The following APBA1 variants were observed in gnomAD, a reference collection of about 807,000 sequenced individuals.
APBA1 encodes the protein amyloid beta precursor protein binding family A member 1, also known as amyloid-beta A4 precursor protein-binding family A member 1.
APBA1 carries 55 observed loss-of-function variants against 86.6 expected under a neutral mutation model. The observed-to-expected ratio is 0.64, with a 90% CI of 0.51 to 0.80. APBA1 has a LOEUF of 0.80. Ranked by LOEUF, APBA1 falls within the 30% of genes least tolerant of loss-of-function variation. The pLI, the probability that APBA1 is intolerant of heterozygous loss-of-function variation, is 0.00. For missense variants in APBA1, 1,090 were observed against 1,183.0 expected (o/e 0.92, Z 1.15); for synonymous variants, 511 against 493.9 (o/e 1.03, Z -0.46).
intron 6 of APBA1, among the ~76,000 whole-genome samples, chr9:69,457,862 C>A (rs1835124680): frequency 6.6e-6 from 1 of 152,160 alleles, no homozygotes; most frequent in South Asian, 2.1e-4. Context: ...AAGTCCCTGC[C>A]ACATCGATGC....
chr9:69,623,357 T>C (rs922757321), intron 1 of APBA1, among the ~76,000 whole-genome samples: 1 of 144,568 alleles, frequency 6.9e-6, no homozygotes, highest in Non-Finnish European at 1.6e-5. Flanking sequence ...TTCTTTTTTT[T>C]CTTTTTTTTT....
At position 69,432,556 on chromosome 9, in the gene APBA1, G is replaced by T; in HGVS notation, c.2422C>A (p.Leu808Ile). ...CCTACCTCCCCAACAGCATTGGAGA[G>T]AATGTGGACGATCTTCTCGTGGGGG... ...ATPHEKIVHI[L>I]SNAVGEIHMK... is the part of the protein sequence containing the mutation. Residue 808 changes from leucine to isoleucine, a missense_variant, in exon 12 of 13, where the codon CTC becomes ATC. Leu to Ile is a conservative substitution (Grantham distance 5). Coordinates refer to ENST00000265381, the MANE Select transcript of APBA1 (RefSeq NM_001163.4). The T allele has an allele frequency of 6.3e-7, 1 of 1,589,092 alleles. No homozygotes were observed. The highest frequency in any genetic ancestry group is 2.3e-5 in the East Asian group (1 of 43,120).
chr9:69,583,110 G>T (rs187702520), intron 1 of APBA1, among the ~76,000 whole-genome samples: 18 of 152,184 alleles, frequency 1.2e-4, no homozygotes, highest in African/African-American at 3.6e-4. Context: ...TGGAACAGGC[G>T]CAGTACAGGC....
chr9:69,613,780 T>A (rs1217536364), intron 1 of APBA1, among the ~76,000 whole-genome samples: 1 of 152,186 alleles, frequency 6.6e-6, no homozygotes, highest in East Asian at 1.9e-4. Flanking sequence ...ATTCCCCTGC[T>A]CAAGATATAG....
At chr9:69,472,218 C>T (rs1835377230) in intron 3 of APBA1, among the ~76,000 whole-genome samples, 1 of 152,214 alleles carries the variant, frequency 6.6e-6, no homozygotes, top group Non-Finnish European at 1.5e-5. Context: ...TTATATAAAT[C>T]ATTATTGTGT....
chr9:69,551,070 C>T (rs947010572), intron 1 of APBA1, among the ~76,000 whole-genome samples: 1 of 152,160 alleles, frequency 6.6e-6, no homozygotes, highest in Admixed American at 6.5e-5. Flanking sequence ...ATCCTGCCTT[C>T]AGATAAAGTT....
chr9:69,432,491 C>G, intron 12 of APBA1, 45 bp downstream of exon 12: 1 of 1,441,336 alleles, frequency 6.9e-7, no homozygotes, highest in Non-Finnish European at 9.2e-7. Flanking sequence ...GCAGGGGCAC[C>G]AGACGCGGCC....
intron 1 of APBA1, among the ~76,000 whole-genome samples, chr9:69,565,512 C>T (rs1837011798): frequency 6.6e-6 from 1 of 152,196 alleles, no homozygotes; most frequent in African/African-American, 2.4e-5. Context: ...CCCCAATAGG[C>T]AGCTGCCTAC....
At chr9:69,495,904 T>G (rs1220762660) in intron 2 of APBA1, among the ~76,000 whole-genome samples, 1 of 151,930 alleles carries the variant, frequency 6.6e-6, no homozygotes, top group South Asian at 2.1e-4. Flanking sequence ...GCACGGGAAG[T>G]CTCTTCACCT....
chr9:69,582,132 A>G (rs1238544459), intron 1 of APBA1, among the ~76,000 whole-genome samples: 1 of 152,216 alleles, frequency 6.6e-6, no homozygotes, highest in Non-Finnish European at 1.5e-5. Flanking sequence ...TCTCTTCTGA[A>G]AAGAGAAGCT....
At chr9:69,522,436 T>G (rs1836268579) in intron 1 of APBA1, among the ~76,000 whole-genome samples, 1 of 152,096 alleles carries the variant, frequency 6.6e-6, no homozygotes, top group Non-Finnish European at 1.5e-5. Flanking sequence ...CTCCTTCAAC[T>G]TCTTCTAATG....
intron 2 of APBA1, among the ~76,000 whole-genome samples, chr9:69,503,774 G>A (rs1174190292): frequency 4.6e-5 from 7 of 152,028 alleles, no homozygotes; most frequent in Non-Finnish European, 1.0e-4. Context: ...TGCCTAACTG[G>A]AGCCCTCTGA....
chr9:69,442,346 C>T (rs532477919), intron 10 of APBA1, among the ~76,000 whole-genome samples: 1 of 152,248 alleles, frequency 6.6e-6, no homozygotes, highest in Non-Finnish European at 1.5e-5. Flanking sequence ...AGAGCTGAGG[C>T]AGCGGGGGTC....
At chr9:69,633,114 C>CTTTTA (rs150543042) in intron 1 of APBA1, among the ~76,000 whole-genome samples, 9 of 146,976 alleles carry the variant, frequency 6.1e-5, no homozygotes, top group African/African-American at 1.7e-4. Context: ...GTAACTGTGT[C>CTTTTA]TTTTATTTTA....
At chr9:69,651,695 C>T (rs1401059816) in intron 1 of APBA1, among the ~76,000 whole-genome samples, 1 of 152,178 alleles carries the variant, frequency 6.6e-6, no homozygotes, top group Non-Finnish European at 1.5e-5. Flanking sequence ...AGGCTGGTCT[C>T]AAACTCCTGA....
chr9:69,517,509 C>T (rs986346477), intron 1 of APBA1, among the ~76,000 whole-genome samples: 1 of 150,488 alleles, frequency 6.6e-6, no homozygotes, highest in Non-Finnish European at 1.5e-5. Flanking sequence ...GTTCCCACCC[C>T]TCACACTGAG....
intron 1 of APBA1, among the ~76,000 whole-genome samples, chr9:69,520,683 C>CG (rs1836238141): frequency 6.6e-6 from 1 of 152,186 alleles, no homozygotes; most frequent in Non-Finnish European, 1.5e-5. Context: ...TACCCACCCT[C>CG]GCTCTCAAAC....
chr9:69,569,855 T>C (rs1361415857), intron 1 of APBA1, among the ~76,000 whole-genome samples: 1 of 152,182 alleles, frequency 6.6e-6, no homozygotes, highest in South Asian at 2.1e-4. Flanking sequence ...TAGGCAGATA[T>C]GAACAGCCTG....
chr9:69,628,387 T>C (rs1321653509), intron 1 of APBA1, among the ~76,000 whole-genome samples: 1 of 152,180 alleles, frequency 6.6e-6, no homozygotes, highest in Non-Finnish European at 1.5e-5. Flanking sequence ...TTTGTGGTGA[T>C]GTGTTATGCA....
Sources: gnomAD v4.1 joint callset for allele counts (sites outside exome capture counted in the v4.1 genomes callset) on GRCh38, gnomAD v4.1.1 for gene constraint, MANE v1.5 for transcripts, NCBI Gene and HGNC (gene_info 2026-07-23, HGNC 2026-07-21) for gene names.